Variants in IQSEC3 observed in about 807,000 individuals in gnomAD.
IQSEC3 encodes the protein IQ motif and Sec7 domain ArfGEF 3, also known as IQ motif and SEC7 domain-containing protein 3.
A neutral mutation model predicts 105.4 loss-of-function variants in IQSEC3; 50 were observed. The observed-to-expected ratio is 0.47, with a 90% CI of 0.38 to 0.60. The LOEUF (loss-of-function observed/expected upper bound fraction) is 0.60. Among genes scored for constraint, IQSEC3 ranks in the 20% least tolerant of loss-of-function variants. The pLI is 0.00. For missense variants in IQSEC3, 1,415 were observed against 1,630.0 expected (o/e 0.87, Z 2.27); for synonymous variants, 708 against 746.0 (o/e 0.95, Z 0.83).
chr12:96,323 T>G (rs918506880), intron 1 of IQSEC3, among the ~76,000 whole-genome samples: 1 of 152,220 alleles, frequency 6.6e-6, no homozygotes, highest in Admixed American at 6.5e-5. Flanking sequence ...GTTCTTATTA[T>G]GCAGATGAAG....
At position 138,510 on chromosome 12, in the gene IQSEC3, C is replaced by A; in HGVS notation, c.1147C>A (p.Arg383Ser). ...GYGLVGLPLV[R>S]SPSLPPTFAG... ...CGGCCTCGTGGGGCTGCCGCTGGTG[C>A]GCTCGCCCTCCCTGCCGCCCACCTT... is the stretch of plus-strand genomic sequence containing the variant. The change falls in exon 4 of 14, where the codon CGC becomes AGC. Residue 383 changes from arginine (R) to serine (S), a missense_variant. Physicochemically the swap from Arg to Ser is moderately radical, Grantham distance 110. Transcript: ENST00000538872. The surrounding 1 kb of genome is among the most constrained non-coding windows in gnomAD (Gnocchi z 7.1). 6.3e-7 allele frequency: 1 copy of A among 1,581,826 alleles called. No individual in the cohort carries two copies. The highest frequency in any genetic ancestry group is 8.5e-7 in the Non-Finnish European group (1 of 1,170,454).
At chr12:143,637 CCAGCGTTCATGCAGGGCAGTG>C (rs1565431853) in intron 5 of IQSEC3, 2 of 152,312 alleles carry the variant, frequency 1.3e-5, no homozygotes, top group East Asian at 3.9e-4. Context: ...TGCTGGGGTG[CCAGCGTTCATGCAGGGCAGTG>C]CTGGGGTGCC....
At chr12:92,895 A>G (rs1864133798) in intron 1 of IQSEC3, among the ~76,000 whole-genome samples, 1 of 152,220 alleles carries the variant, frequency 6.6e-6, no homozygotes, top group South Asian at 2.1e-4. Context: ...CACAAAATGC[A>G]GCACTGGTTG....
intron 9 of IQSEC3, 152 bp from the exon 10 acceptor site, chr12:165,282 T>C (rs1867110182): frequency 3.1e-6 from 2 of 653,650 alleles, no homozygotes; most frequent in Admixed American, 2.4e-5. Context: ...CATTTTGGGA[T>C]AGTGTGTGCA....
At chr12:140,224 A>T (rs554184452) in intron 4 of IQSEC3, 1 of 152,246 alleles carries the variant, frequency 6.6e-6, no homozygotes, top group South Asian at 2.1e-4. Flanking sequence ...GGAAGTAGCT[A>T]CTGTTCATAG....
At chr12:81,276 A>C (rs1266758691) in intron 1 of IQSEC3, among the ~76,000 whole-genome samples, 1 of 152,214 alleles carries the variant, frequency 6.6e-6, no homozygotes, top group East Asian at 1.9e-4. Context: ...GGAGTCCGTT[A>C]GGAAGTGTTT....
chr12:76,310 G>A (rs1312258184), intron 1 of IQSEC3, among the ~76,000 whole-genome samples: 2 of 152,280 alleles, frequency 1.3e-5, no homozygotes, highest in African/African-American at 4.8e-5. Flanking sequence ...GCTGTGTTCA[G>A]GGAAGTGTCA....
chr12:125,439 G>C (rs530306856), intron 2 of IQSEC3, among the ~76,000 whole-genome samples, 194 bp from the exon 3 acceptor site: 1 of 151,936 alleles, frequency 6.6e-6, no homozygotes, highest in African/African-American at 2.4e-5. Context: ...CCCCAGGTGC[G>C]GGTTCTTCTC....
intron 5 of IQSEC3, among the ~76,000 whole-genome samples, chr12:151,626 A>C (rs1240176379): frequency 6.6e-6 from 1 of 152,056 alleles, no homozygotes; most frequent in Non-Finnish European, 1.5e-5. Context: ...CGCTCCTCTG[A>C]TCATACCCTC....
intron 1 of IQSEC3, among the ~76,000 whole-genome samples, chr12:81,915 C>T (rs1324615014): frequency 1.1e-4 from 17 of 152,130 alleles, no homozygotes; most frequent in African/African-American, 2.9e-4. Context: ...GCTGCTGAAA[C>T]GTGGAGGATG....
At chr12:121,583 G>C (rs562509332) in intron 2 of IQSEC3, among the ~76,000 whole-genome samples, 42 of 152,330 alleles carry the variant, frequency 2.8e-4, no homozygotes, top group African/African-American at 9.9e-4. Context: ...TGGCTGGAAC[G>C]GGGTAGGAGG....
At chr12:132,567 G>A (rs1555085403) in intron 3 of IQSEC3, among the ~76,000 whole-genome samples, 3 of 152,160 alleles carry the variant, frequency 2.0e-5, no homozygotes. Flanking sequence ...TGACATTCTG[G>A]AAGGATATCA....
At chr12:92,859 G>A (rs1864132877) in intron 1 of IQSEC3, among the ~76,000 whole-genome samples, 1 of 152,208 alleles carries the variant, frequency 6.6e-6, no homozygotes, top group Non-Finnish European at 1.5e-5. Context: ...GCTGTATTGA[G>A]GAGACATTTT....
chr12:98,697 T>C (rs1864317978), intron 1 of IQSEC3, among the ~76,000 whole-genome samples: 1 of 152,202 alleles, frequency 6.6e-6, no homozygotes, highest in Non-Finnish European at 1.5e-5. Context: ...TTGTATATGA[T>C]CAGCTTAAAA....
At chr12:115,641 A>G (rs141595806) in intron 2 of IQSEC3, among the ~76,000 whole-genome samples, 2 of 151,980 alleles carry the variant, frequency 1.3e-5, no homozygotes, top group East Asian at 3.9e-4. Context: ...TATTTCACTC[A>G]CTCTCACAGC....
rs1427413348 is a variant in IQSEC3 at position 174,692 on chromosome 12, A to G, written c.3208A>G (p.Ser1070Gly). The G allele has an allele frequency of 6.3e-7, 1 of 1,592,080 alleles. No individual in the cohort carries two copies. The highest frequency in any genetic ancestry group is 8.5e-7 in the Non-Finnish European group (1 of 1,177,118). ...GGTGCCGCCGCCAGACCTGCAGCCTAGCCCCCCGAGACAGCAGACCCCACC... is the reference window on the plus strand; with the variant it reads ...GGTGCCGCCGCCAGACCTGCAGCCTGGCCCCCCGAGACAGCAGACCCCACC... ...APVPPPDLQP[S>G]PPRQQTPPLP... Residue 1070 changes from serine to glycine, a missense_variant, in exon 14 of 14, where the codon AGC becomes GGC. Ser to Gly is a moderately conservative substitution (Grantham distance 56). Around this residue, in one of 6 missense-constraint regions of IQSEC3, gnomAD observed 419 missense variants for 436.2 expected, o/e 0.96. Coordinates refer to ENST00000538872, the MANE Select transcript of IQSEC3 (RefSeq NM_001170738.2).
At position 141,210 on chromosome 12, in the gene IQSEC3, G is replaced by C. The variant is rs1565429747; in HGVS notation, c.2078G>C (p.Arg693Pro). 11 of 1,612,864 alleles carry C rather than the reference G, an allele frequency of 6.8e-6. No individual in the cohort carries two copies. Among genetic ancestry groups the C allele is most frequent in the Non-Finnish European group, 9.3e-6 (11 of 1,179,794 alleles). ...PIGVAHFLLQ[R>P]KGLSRQMIGE... ...GGTGTGGCCCATTTCCTCCTCCAGC[G>C]AAAGGGCCTCAGCCGCCAGATGATT... is the stretch of plus-strand genomic sequence containing the variant. The change falls in exon 5 of 14, where the codon CGA (arginine) becomes CCA (proline). Residue 693 changes from arginine to proline, a missense_variant. This residue lies in a region of IQSEC3 where 213 missense variants were observed against 306.2 expected (regional missense o/e 0.70). Transcript: ENST00000538872.
chr12:121,801 G>A (rs188400000), intron 2 of IQSEC3, among the ~76,000 whole-genome samples: 9 of 152,254 alleles, frequency 5.9e-5, no homozygotes, highest in South Asian at 2.1e-4. Flanking sequence ...AGCCGCCATC[G>A]CCGTCACCCT....
intron 9 of IQSEC3, chr12:164,723 CT>C (rs2137055906): frequency 6.6e-6 from 1 of 152,578 alleles, no homozygotes; most frequent in South Asian, 2.1e-4. Context: ...GTCCTGAGTT[CT>C]CCTGTATCTC....
Sources: allele counts gnomAD v4.1 joint callset (sites outside exome capture counted in the v4.1 genomes callset), GRCh38; gene constraint gnomAD v4.1.1; regional missense constraint gnomAD v4.1.1; non-coding constraint Gnocchi (gnomAD v3.1); transcripts MANE v1.5; gene names NCBI Gene and HGNC (gene_info 2026-07-23, HGNC 2026-07-21).